Variants in SCN10A observed in about 807,000 individuals in gnomAD.
The protein encoded by SCN10A is sodium channel protein type 10 subunit alpha.
In SCN10A, 162 loss-of-function variants were observed where a neutral mutation model predicts 170.7. The observed-to-expected ratio is 0.95, with a 90% CI of 0.84 to 1.08. SCN10A has a LOEUF of 1.08. SCN10A is among the 50% of genes least tolerant of loss of function. The pLI, the probability that SCN10A is intolerant of heterozygous loss-of-function variation, is 0.00. For missense variants in SCN10A, 2,527 were observed against 2,436.9 expected, an observed-to-expected ratio of 1.04 and a Z score of -0.78; for synonymous variants, 985 against 904.6, an observed-to-expected ratio of 1.09 and a Z score of -1.59.
At chr3:38,760,820 C>A in intron 7 of SCN10A, 73 bp from the exon 8 acceptor site, 1 of 1,234,852 alleles carries the variant, frequency 8.1e-7, no homozygotes, top group South Asian at 1.2e-5. Flanking sequence ...GTGGTGAATG[C>A]AATATTCCCA....
intron 3 of SCN10A, 134 bp from the exon 4 acceptor site, chr3:38,789,170 C>T: frequency 1.5e-6 from 1 of 651,364 alleles, no homozygotes; most frequent in Non-Finnish European, 2.8e-6. Context: ...ACATAATAAC[C>T]ACTAACATTT....
chr3:38,728,826 C>A lies in SCN10A; in HGVS notation c.2356G>T (p.Ala786Ser). Residue 786 changes from alanine to serine, a missense_variant, in exon 16 of 28, where the codon GCA (alanine) becomes TCA (serine). Transcript: ENST00000449082. ...AGGATGATGGTGAGGTTCCCCAGTGCCCCCACTGAGTTTCCGATGATCTTG... is the reference window on the plus strand; with the variant it reads ...AGGATGATGGTGAGGTTCCCCAGTGACCCCACTGAGTTTCCGATGATCTTG... ...LIKIIGNSVGALGNLTIILAI... is the reference protein window; with the variant it reads ...LIKIIGNSVGSLGNLTIILAI... The A allele has an allele frequency of 6.2e-7, 1 of 1,614,176 alleles. No homozygotes were observed.
intron 13 of SCN10A, among the ~76,000 whole-genome samples, chr3:38,743,523 C>CT (rs1239572119): frequency 1.3e-5 from 2 of 152,182 alleles, no homozygotes; most frequent in Non-Finnish European, 2.9e-5. Flanking sequence ...CTCCTTACCT[C>CT]TTTTTTTCTC....
chr3:38,734,528 T>C (rs1267538975), intron 15 of SCN10A, among the ~76,000 whole-genome samples: 1 of 152,220 alleles, frequency 6.6e-6, no homozygotes, highest in East Asian at 1.9e-4. Flanking sequence ...GAATGTAAAG[T>C]TGATTTAACA....
At position 38,756,748 on chromosome 3, in the gene SCN10A, C is replaced by A; in HGVS notation, c.1216G>T (p.Ala406Ser). ...VTMAYEEQNQATTDEIEAKEK... is the reference protein window; with the variant it reads ...VTMAYEEQNQSTTDEIEAKEK... ...TTTGCTTCAATTTCATCAGTGGTTGCCTGGTTCTGCTCCTCATACGCCATG... is the reference window on the plus strand; with the variant it reads ...TTTGCTTCAATTTCATCAGTGGTTGACTGGTTCTGCTCCTCATACGCCATG... The change falls in exon 10 of 28, where the codon GCA becomes TCA. Residue 406 changes from alanine to serine, a missense_variant. By Grantham distance (99) the Ala-to-Ser change is moderately conservative. Transcript: ENST00000449082. 1 of 1,614,170 alleles carries A rather than the reference C, an allele frequency of 6.2e-7. No homozygotes were observed.
At chr3:38,801,993 C>T (rs1011145473) in intron 1 of SCN10A, among the ~76,000 whole-genome samples, 1 of 152,152 alleles carries the variant, frequency 6.6e-6, no homozygotes, top group African/African-American at 2.4e-5. Flanking sequence ...CTTCCATGAT[C>T]TCATCATCTT....
chr3:38,709,726 T>G, intron 24 of SCN10A, 111 bp from the exon 25 acceptor site: 1 of 975,542 alleles, frequency 1.0e-6, no homozygotes, highest in South Asian at 2.2e-5. Context: ...ATCTGGGAGG[T>G]GATCCAAGGA....
rs146028829 is a variant in SCN10A, at chr3:38,728,707, T to G, written c.2475A>C (p.Glu825Asp). Residue 825 changes from glutamate to aspartate, a missense_variant, in exon 16 of 28, where the codon GAA (glutamate) becomes GAC (aspartate). Physicochemically the swap from Glu to Asp is conservative, Grantham distance 45 (BLOSUM62 2). Coordinates refer to ENST00000449082, the MANE Select transcript of SCN10A (RefSeq NM_006514.4). ...NNRKNISAPH[E>D]DWPRWHMHDF... The stretch of plus-strand genomic sequence containing the variant: ...CGTGCATGTGCCAGCGGGGCCAGTC[T>G]TCATGGGGCGCGGAGATATTTTTTC... The G allele has an allele frequency of 1.6e-3, 2,597 of 1,614,190 alleles. 2 individuals carry two copies. Among genetic ancestry groups the G allele is most frequent in the Non-Finnish European group, 2.1e-3 (2,489 of 1,180,040 alleles).
chr3:38,781,871 G>C (rs925002620), intron 4 of SCN10A, among the ~76,000 whole-genome samples: 1 of 151,958 alleles, frequency 6.6e-6, no homozygotes, highest in Non-Finnish European at 1.5e-5. Flanking sequence ...CCAGTATTTA[G>C]AGTTTGTCAT....
At chr3:38,785,909 C>T (rs1195630323) in intron 4 of SCN10A, among the ~76,000 whole-genome samples, 1 of 152,062 alleles carries the variant, frequency 6.6e-6, no homozygotes, top group Non-Finnish European at 1.5e-5. Context: ...AGAGAAATGC[C>T]AGTCAAAACC....
chr3:38,810,608 T>A (rs1256977736), intron 1 of SCN10A, among the ~76,000 whole-genome samples: 1 of 152,242 alleles, frequency 6.6e-6, no homozygotes, highest in Non-Finnish European at 1.5e-5. Flanking sequence ...CTGGCACTTA[T>A]CACAGTTTAA....
At chr3:38,796,504 T>C (rs928083424) in intron 1 of SCN10A, among the ~76,000 whole-genome samples, 1 of 152,184 alleles carries the variant, frequency 6.6e-6, no homozygotes, top group African/African-American at 2.4e-5. Flanking sequence ...TTTAAAATCA[T>C]TCTAAAGCTC....
chr3:38,771,082 T>C lies in SCN10A; in HGVS notation c.599+197A>G, dbSNP rs1292155677. Among the ~76,000 whole-genome samples, 3 of 152,176 alleles carry C rather than the reference T, an allele frequency of 2.0e-5. No individual in the cohort carries two copies. The East Asian group carries it at 5.8e-4, about 29-fold the overall frequency. ...ACCTGTCTTGCAGAATTTCCAGCAG[T>C]GTGCCACTTATTTAAAAGGATCTAT... On this transcript the variant is annotated intron_variant, in intron 5 of 27. Coordinates refer to ENST00000449082, the MANE Select transcript of SCN10A (RefSeq NM_006514.4).
intron 4 of SCN10A, among the ~76,000 whole-genome samples, chr3:38,775,177 C>A (rs1005714102): frequency 6.6e-6 from 1 of 152,130 alleles, no homozygotes; most frequent in Non-Finnish European, 1.5e-5. Context: ...GTGGAACTAT[C>A]ACCACTATCT....
chr3:38,762,144 C>T (rs995663316), intron 6 of SCN10A, among the ~76,000 whole-genome samples: 7 of 152,266 alleles, frequency 4.6e-5, no homozygotes, highest in Middle Eastern at 6.8e-3. Flanking sequence ...GCAGAAAGAG[C>T]TCTGACCAGG....
intron 25 of SCN10A, among the ~76,000 whole-genome samples, chr3:38,707,738 G>A (rs911183616): frequency 6.6e-6 from 1 of 152,138 alleles, no homozygotes; most frequent in African/African-American, 2.4e-5. Flanking sequence ...AAATTCTTTG[G>A]GCTTCTAGAG....
chr3:38,737,820 C>CT, intron 15 of SCN10A, among the ~76,000 whole-genome samples: 1 of 122,238 alleles, frequency 8.2e-6, no homozygotes, highest in African/African-American at 3.6e-5. Context: ...TTCTTTCTTT[C>CT]TTTCTTTCTT....
At chr3:38,706,193 A>G (rs570566948) in intron 26 of SCN10A, among the ~76,000 whole-genome samples, 2 of 152,296 alleles carry the variant, frequency 1.3e-5, no homozygotes, top group South Asian at 4.1e-4. Context: ...TTCTCTTGTA[A>G]ATGTTTTTCA....
chr3:38,761,459 C>A (rs2063871018), intron 6 of SCN10A, 76 bp from the exon 7 acceptor site: 34 of 1,288,980 alleles, frequency 2.6e-5, no homozygotes, highest in Non-Finnish European at 3.7e-5. Context: ...TCTTAGCCAT[C>A]CTCCTTCATC....
Sources: allele counts gnomAD v4.1 joint callset (sites outside exome capture counted in the v4.1 genomes callset), GRCh38; gene constraint gnomAD v4.1.1; transcripts MANE v1.5; gene names NCBI Gene and HGNC (gene_info 2026-07-23, HGNC 2026-07-21).